Variants in ILRUN observed in about 807,000 individuals in gnomAD.
ILRUN encodes inflammation and lipid regulator with UBA-like and NBR1-like domains, also known as protein ILRUN.
Under a neutral mutation model 33.8 loss-of-function variants are expected in ILRUN, and 3 were observed. The ratio of observed to expected loss-of-function variants is 0.09; its 90% CI spans 0.04 to 0.23. The LOEUF (loss-of-function observed/expected upper bound fraction) is 0.23. Ranked by LOEUF, ILRUN falls within the 10% of genes least tolerant of loss-of-function variation. The pLI, the probability that ILRUN is intolerant of heterozygous loss-of-function variation, is 1.00. For missense variants in ILRUN, 210 were observed against 375.1 expected (o/e 0.56, Z 3.64); for synonymous variants, 124 against 138.9 (o/e 0.89, Z 0.75).
intron 3 of ILRUN, chr6:34,616,709 A>C (rs897408755): frequency 2.4e-6 from 2 of 819,036 alleles, no homozygotes; most frequent in Admixed American, 1.9e-5. Context: ...GCAGATGCAC[A>C]GAACTGAAAT....
At chr6:34,654,524 G>T in intron 2 of ILRUN, 101 bp downstream of exon 2, 2 of 1,208,548 alleles carry the variant, frequency 1.7e-6, no homozygotes, top group Non-Finnish European at 2.3e-6. Flanking sequence ...GAGAAAGCTC[G>T]CAGTTACACA....
chr6:34,626,759 G>C (rs1762141915), intron 3 of ILRUN, among the ~76,000 whole-genome samples: 2 of 152,114 alleles, frequency 1.3e-5, no homozygotes, highest in Admixed American at 6.5e-5. Context: ...TGTAATCCTA[G>C]CACTTTAGAG....
chr6:34,670,688 TAAAAA>T (rs1217976437), intron 1 of ILRUN, among the ~76,000 whole-genome samples: 1 of 144,858 alleles, frequency 6.9e-6, no homozygotes, highest in Non-Finnish European at 1.5e-5. Flanking sequence ...CTGTCTCTAC[TAAAAA>T]AAAAATACAA....
chr6:34,634,539 G>A (rs1251047205), intron 3 of ILRUN, among the ~76,000 whole-genome samples: 1 of 151,870 alleles, frequency 6.6e-6, no homozygotes, highest in Non-Finnish European at 1.5e-5. Flanking sequence ...TCTTTTCAAA[G>A]ACCAATAAAA....
intron 1 of ILRUN, among the ~76,000 whole-genome samples, chr6:34,683,842 AG>A (rs1763459589): frequency 6.6e-6 from 1 of 152,100 alleles, no homozygotes; most frequent in African/African-American, 2.4e-5. Context: ...GTGGGCAGAC[AG>A]CTTGAGCTCT....
chr6:34,668,683 T>G (rs187213509), intron 1 of ILRUN, among the ~76,000 whole-genome samples: 64 of 152,256 alleles, frequency 4.2e-4, no homozygotes, highest in African/African-American at 1.3e-3. Flanking sequence ...AAACCTTCTT[T>G]TCTTTTTTTG....
intron 1 of ILRUN, among the ~76,000 whole-genome samples, chr6:34,685,950 T>C (rs934859085): frequency 4.6e-5 from 7 of 151,876 alleles, no homozygotes; most frequent in Admixed American, 4.6e-4. Flanking sequence ...ACAACCTAAA[T>C]ATAAAGAACT....
intron 3 of ILRUN, among the ~76,000 whole-genome samples, chr6:34,635,399 G>A (rs1375940467): frequency 6.6e-6 from 1 of 151,954 alleles, no homozygotes; most frequent in Non-Finnish European, 1.5e-5. Flanking sequence ...GTAATGACGC[G>A]TGCCTGTAAT....
chr6:34,686,575 T>A (rs1318623279), intron 1 of ILRUN: 1 of 205,886 alleles, frequency 4.9e-6, no homozygotes, highest in Non-Finnish European at 1.0e-5. Context: ...AAAGCCTTTT[T>A]GCGCTGACAG....
At position 34,590,007 on chromosome 6, in the gene ILRUN, C is replaced by T. The variant is rs1761264980; in HGVS notation, c.*558G>A. 6.6e-6 allele frequency: 1 copy of T among 152,438 alleles called. No homozygotes were observed. Among genetic ancestry groups the T allele is most frequent in the Non-Finnish European group, 1.5e-5 (1 of 68,212 alleles). The allele number at this position is 152,438 out of a possible 1,614,324, so 9.4% of individuals were successfully genotyped here. A position where few individuals can be genotyped will look rare whatever the true frequency, so the allele number is the denominator to read the frequency against. Reference sequence around the variant, plus strand: ...CATTAAAAACAAATGGGGTCAGAGACTTCTGGAGTCATGTGGCAGGGCAGA... The same window carrying T: ...CATTAAAAACAAATGGGGTCAGAGATTTCTGGAGTCATGTGGCAGGGCAGA... On this transcript the variant is annotated 3_prime_UTR_variant, in exon 5 of 5. Coordinates refer to ENST00000374023, the MANE Select transcript of ILRUN (RefSeq NM_024294.4).
intron 1 of ILRUN, among the ~76,000 whole-genome samples, chr6:34,669,474 A>T (rs1300596314): frequency 6.6e-6 from 1 of 152,140 alleles, no homozygotes; most frequent in African/African-American, 2.4e-5. Flanking sequence ...GCTCTGCCCA[A>T]GAGAAACAGA....
At chr6:34,623,662 T>C (rs978536499) in intron 3 of ILRUN, among the ~76,000 whole-genome samples, 5 of 152,162 alleles carry the variant, frequency 3.3e-5, no homozygotes, top group African/African-American at 1.2e-4. Context: ...ATCAAAATGA[T>C]AGCTACAGTA....
At chr6:34,612,066 T>C (rs932118298) in intron 3 of ILRUN, among the ~76,000 whole-genome samples, 4 of 152,196 alleles carry the variant, frequency 2.6e-5, no homozygotes, top group Admixed American at 6.5e-5. Flanking sequence ...GAGGACTTAG[T>C]AAGCAAATGG....
intron 4 of ILRUN, among the ~76,000 whole-genome samples, chr6:34,604,820 C>A (rs1282204406): frequency 6.6e-6 from 1 of 152,236 alleles, no homozygotes; most frequent in African/African-American, 2.4e-5. Flanking sequence ...TAATGAACAT[C>A]TAATCAACCA....
At chr6:34,656,828 T>A (rs574355626) in intron 1 of ILRUN, among the ~76,000 whole-genome samples, 1 of 152,234 alleles carries the variant, frequency 6.6e-6, no homozygotes, top group Non-Finnish European at 1.5e-5. Flanking sequence ...CAGTAATGAC[T>A]GAAATTACAA....
At position 34,606,918 on chromosome 6, in the gene ILRUN, G is replaced by A. The variant is rs377504022; in HGVS notation, c.512-14C>T. On this transcript the variant is annotated splice_polypyrimidine_tract_variant and intron_variant, in intron 3 of 4. Transcript: ENST00000374023. Reference sequence around the variant, plus strand: ...CCCAGATGACATCTGAAACAAAAAGGTAACTCATTTCAATGCCAGGCTTAC... The same window carrying A: ...CCCAGATGACATCTGAAACAAAAAGATAACTCATTTCAATGCCAGGCTTAC... The A allele has an allele frequency of 1.4e-5, 22 of 1,593,488 alleles. No individual in the cohort carries two copies. Among genetic ancestry groups the A allele is most frequent in the Admixed American group, 5.1e-5 (3 of 58,354 alleles).
chr6:34,666,090 C>A (rs920931201), intron 1 of ILRUN, among the ~76,000 whole-genome samples: 1 of 152,118 alleles, frequency 6.6e-6, no homozygotes, highest in African/African-American at 2.4e-5. Flanking sequence ...GTAAACAAAC[C>A]TTAGCCAAAT....
At chr6:34,633,923 A>AC (rs1762301768) in intron 3 of ILRUN, among the ~76,000 whole-genome samples, 1 of 133,352 alleles carries the variant, frequency 7.5e-6, no homozygotes, top group Non-Finnish European at 1.6e-5. Context: ...GAGGGAGGGA[A>AC]TGAAATCATA....
At chr6:34,635,639 C>T (rs1203485325) in intron 3 of ILRUN, among the ~76,000 whole-genome samples, 3 of 131,210 alleles carry the variant, frequency 2.3e-5, no homozygotes, top group African/African-American at 9.1e-5. Context: ...TTTTGAGACA[C>T]AGTCTTGCTC....
Sources: gnomAD v4.1 joint callset for allele counts (sites outside exome capture counted in the v4.1 genomes callset) on GRCh38, gnomAD v4.1.1 for gene constraint, MANE v1.5 for transcripts, NCBI Gene and HGNC (gene_info 2026-07-23, HGNC 2026-07-21) for gene names.